The following C6 variants were observed in gnomAD, a reference collection of about 807,000 sequenced individuals.
C6 encodes the protein complement C6.
A neutral mutation model predicts 112.9 loss-of-function variants in C6; 101 were observed. The ratio of observed to expected loss-of-function variants is 0.89; its 90% CI spans 0.76 to 1.06. The LOEUF is 1.06. C6 is among the 50% of genes least tolerant of loss of function. The pLI, the probability that C6 is intolerant of heterozygous loss-of-function variation, is 0.00. For missense variants in C6, 1,202 were observed against 1,104.6 expected, an observed-to-expected ratio of 1.09 and a Z score of -1.25; for synonymous variants, 431 against 384.1, an observed-to-expected ratio of 1.12 and a Z score of -1.43.
intron 1 of C6, among the ~76,000 whole-genome samples, chr5:41,260,268 C>CCA (rs145617888): frequency 0.025 from 3,745 of 150,890 alleles, 164 homozygotes; most frequent in African/African-American, 0.085. Context: ...CACAAACACA[C>CCA]CACACACACA....
At chr5:41,232,707 G>A (rs1188002053) in intron 1 of C6, among the ~76,000 whole-genome samples, 1 of 151,942 alleles carries the variant, frequency 6.6e-6, no homozygotes, top group Admixed American at 6.6e-5. Flanking sequence ...ACCCTCTCTT[G>A]ATTAATTCCT....
intron 9 of C6, among the ~76,000 whole-genome samples, chr5:41,162,209 C>A (rs989140926): frequency 1.3e-5 from 2 of 152,126 alleles, no homozygotes; most frequent in African/African-American, 4.8e-5. Context: ...TACTAAGAGA[C>A]AGGACTAGGA....
chr5:41,197,832 A>G (rs1444844324), intron 4 of C6, among the ~76,000 whole-genome samples: 1 of 152,180 alleles, frequency 6.6e-6, no homozygotes, highest in Non-Finnish European at 1.5e-5. Flanking sequence ...ATTGTAAGCC[A>G]TAAATATATT....
intron 1 of C6, 21 bp downstream of exon 1, chr5:41,213,355 T>C: frequency 1.1e-6 from 1 of 945,652 alleles, no homozygotes; most frequent in Non-Finnish European, 1.3e-6. Flanking sequence ...AGATTGAAAA[T>C]GAAATCATCA....
rs569036542 is a variant in C6 at position 41,193,802 on chromosome 5, T to C, written c.587+1990A>G. ...TCAGCCACTCAGGAAGCTATTTTTT[T>C]TTTTTTTTTTTGTGGTTAGAAATAT... On this transcript the variant is annotated intron_variant, in intron 5 of 17. Coordinates refer to ENST00000337836, the MANE Select transcript of C6 (RefSeq NM_000065.5). Among the ~76,000 whole-genome samples, 11 of 151,648 alleles carry C rather than the reference T, an allele frequency of 7.3e-5. No individual in the cohort carries two copies. The East Asian group carries it at 2.1e-3, about 29-fold the overall frequency.
At chr5:41,183,492 C>T (rs542434010) in intron 6 of C6, among the ~76,000 whole-genome samples, 1 of 152,178 alleles carries the variant, frequency 6.6e-6, no homozygotes, top group South Asian at 2.1e-4. Context: ...CAGATGTTGG[C>T]AAGGCTGTGG....
intron 9 of C6, among the ~76,000 whole-genome samples, chr5:41,162,633 T>C (rs1229777903): frequency 6.6e-6 from 1 of 152,080 alleles, no homozygotes; most frequent in Non-Finnish European, 1.5e-5. Flanking sequence ...TAGTAGCAAA[T>C]AAAAAGAAGG....
chr5:41,210,710 AT>A (rs1182347326), intron 1 of C6, among the ~76,000 whole-genome samples: 6 of 152,196 alleles, frequency 3.9e-5, no homozygotes, highest in Non-Finnish European at 7.3e-5. Flanking sequence ...ACCAGTTAGA[AT>A]GGCGATCATT....
At chr5:41,191,969 T>C (rs1750253193) in intron 5 of C6, among the ~76,000 whole-genome samples, 1 of 152,180 alleles carries the variant, frequency 6.6e-6, no homozygotes, top group South Asian at 2.1e-4. Context: ...AGAGCAGGTA[T>C]CCTTGTCTTA....
At chr5:41,210,096 G>T (rs1403309645) in intron 1 of C6, among the ~76,000 whole-genome samples, 3 of 152,154 alleles carry the variant, frequency 2.0e-5, no homozygotes, top group Non-Finnish European at 4.4e-5. Flanking sequence ...TGACAAATCT[G>T]ACAAAAACAA....
Position 41,161,285 on chromosome 5 carries a change from T to C in C6, c.1458+408A>G, listed in dbSNP as rs1580075911. Among the ~76,000 whole-genome samples, 3 of 152,058 alleles carry C rather than the reference T, an allele frequency of 2.0e-5. 1 individual carries two copies. In the East Asian group the frequency reaches 5.8e-4, roughly 29 times the overall value. On this transcript the variant is annotated intron_variant, in intron 10 of 17. Coordinates refer to ENST00000337836, the MANE Select transcript of C6 (RefSeq NM_000065.5). Reference sequence around the variant, plus strand: ...TAAATTCAATCAATAGTAATAGAAATGGATCTAAAATCTCATTTATCTCAC... The same window carrying C: ...TAAATTCAATCAATAGTAATAGAAACGGATCTAAAATCTCATTTATCTCAC...
chr5:41,260,496 G>T (rs976476707), intron 1 of C6, among the ~76,000 whole-genome samples: 2 of 146,376 alleles, frequency 1.4e-5, no homozygotes, highest in African/African-American at 2.6e-5. Context: ...AACTGCTGGC[G>T]CAGTGGCTCA....
chr5:41,213,507 G>C lies in C6; in HGVS notation c.-152C>G. On this transcript the variant is annotated 5_prime_UTR_variant, in exon 1 of 18. Transcript: ENST00000337836. ...TTTTCTTATTGCTAGCTAACACAAG[G>C]CAATGCTGTCATATCCCAGAAGCCT... 6 of 985,114 alleles carry C rather than the reference G, an allele frequency of 6.1e-6. No individual in the cohort carries two copies. The highest frequency in any genetic ancestry group is 7.2e-6 in the Non-Finnish European group (6 of 829,736). The allele number at this position is 985,114 out of a possible 1,614,324, so 61.0% of individuals were successfully genotyped here. A position where few individuals can be genotyped will look rare whatever the true frequency, so the allele number is the denominator to read the frequency against.
At chr5:41,249,332 A>C (rs1049989509) in intron 1 of C6, among the ~76,000 whole-genome samples, 1 of 152,222 alleles carries the variant, frequency 6.6e-6, no homozygotes, top group African/African-American at 2.4e-5. Context: ...AGTTTTTAAA[A>C]ACATAACAAT....
At chr5:41,229,966 T>C (rs1184097608) in intron 1 of C6, among the ~76,000 whole-genome samples, 1 of 152,144 alleles carries the variant, frequency 6.6e-6, no homozygotes, top group East Asian at 1.9e-4. Flanking sequence ...TTCCCAAAAT[T>C]AATACTTTTC....
intron 1 of C6, among the ~76,000 whole-genome samples, chr5:41,210,769 A>C (rs548014539): frequency 9.2e-5 from 14 of 152,278 alleles, no homozygotes; most frequent in Middle Eastern, 3.4e-3. Flanking sequence ...GAGAAATAGG[A>C]ACATTTTACA....
At chr5:41,176,442 C>T in intron 8 of C6, 33 bp downstream of exon 8, 1 of 1,606,614 alleles carries the variant, frequency 6.2e-7, no homozygotes, top group Non-Finnish European at 8.5e-7. Context: ...GCTATCATAC[C>T]AGTTAAAAAG....
rs2287901 is a variant in C6, at chr5:41,160,209, A to G, written c.1617T>C (p.Cys539=). The change falls in exon 11 of 18, where the codon TGT becomes TGC. Residue 539 remains cysteine, a synonymous_variant. Coordinates refer to ENST00000337836, the MANE Select transcript of C6 (RefSeq NM_000065.5). ...AGGTGCCACTCTGACACACACACAG[A>G]CATTCAGTCCCTGAGAGGGTGGGTC... The part of the protein sequence containing the change: ...NGRPTLSGTE[C]LCVCQSGTYG... The G allele has an allele frequency of 2.5e-3, 4,076 of 1,613,952 alleles. 97 individuals are homozygous for G. The East Asian group carries it at 0.057, about 23-fold the overall frequency.
chr5:41,232,162 C>A (rs1360459616), intron 1 of C6, among the ~76,000 whole-genome samples: 1 of 152,042 alleles, frequency 6.6e-6, no homozygotes, highest in Non-Finnish European at 1.5e-5. Flanking sequence ...TGTTTCTTAA[C>A]CCTTCAGGAA....
Sources: allele counts gnomAD v4.1 joint callset (sites outside exome capture counted in the v4.1 genomes callset), GRCh38; gene constraint gnomAD v4.1.1; transcripts MANE v1.5; gene names NCBI Gene and HGNC (gene_info 2026-07-23, HGNC 2026-07-21).